The following SLC22A15 variants were observed in gnomAD, a reference collection of about 807,000 sequenced individuals.
The protein encoded by SLC22A15 is solute carrier family 22 member 15.
In SLC22A15, 45 loss-of-function variants were observed where a neutral mutation model predicts 62.7. The ratio of observed to expected loss-of-function variants is 0.72; its 90% CI spans 0.56 to 0.92. The LOEUF is 0.92. Ranked by LOEUF, SLC22A15 falls within the 40% of genes least tolerant of loss-of-function variation. SLC22A15 has a pLI of 0.00. For missense variants in SLC22A15, 622 were observed against 665.6 expected, an observed-to-expected ratio of 0.93 and a Z score of 0.72; for synonymous variants, 264 against 267.0, an observed-to-expected ratio of 0.99 and a Z score of 0.11.
At chr1:116,057,977 C>T (rs1156532361) in intron 8 of SLC22A15, among the ~76,000 whole-genome samples, 1 of 151,690 alleles carries the variant, frequency 6.6e-6, no homozygotes, top group Non-Finnish European at 1.5e-5. Flanking sequence ...TTAATGGGTG[C>T]AGCACACCAA....
Position 116,068,727 on chromosome 1 carries a change from C to G in SLC22A15, c.*1619C>G, listed in dbSNP as rs1363281193. 6.6e-6 allele frequency: 1 copy of G among 152,104 alleles called. No homozygotes were observed. Among genetic ancestry groups the G allele is most frequent in the Non-Finnish European group, 1.5e-5 (1 of 68,010 alleles). The allele number at this position is 152,104 out of a possible 1,614,324, so 9.4% of individuals were successfully genotyped here. On this transcript the variant is annotated 3_prime_UTR_variant, in exon 12 of 12. Coordinates refer to ENST00000369503, the MANE Select transcript of SLC22A15 (RefSeq NM_018420.3). The stretch of plus-strand genomic sequence containing the variant: ...CAGTATAATTTTTACAAACTCCAAG[C>G]AAATCTGACCCAAACTCCCAAATTG...
At chr1:116,059,174 A>G (rs546498126) in intron 8 of SLC22A15, among the ~76,000 whole-genome samples, 2 of 152,348 alleles carry the variant, frequency 1.3e-5, no homozygotes, top group South Asian at 4.1e-4. Flanking sequence ...GACAAAAATT[A>G]CAGAGACCGC....
At chr1:115,997,918 T>C (rs1002219472) in intron 2 of SLC22A15, among the ~76,000 whole-genome samples, 1 of 152,184 alleles carries the variant, frequency 6.6e-6, no homozygotes, top group Non-Finnish European at 1.5e-5. Context: ...TGATACTAGC[T>C]GTGAGTCTGT....
At chr1:115,982,008 C>T (rs1028797358) in intron 1 of SLC22A15, among the ~76,000 whole-genome samples, 1 of 152,170 alleles carries the variant, frequency 6.6e-6, no homozygotes, top group Admixed American at 6.5e-5. Context: ...GGCTGGATCA[C>T]GAAAGTTTAA....
intron 1 of SLC22A15, among the ~76,000 whole-genome samples, chr1:115,988,744 G>A (rs1655006803): frequency 6.6e-6 from 1 of 151,290 alleles, no homozygotes; most frequent in African/African-American, 2.4e-5. Context: ...TGTTGGTCAG[G>A]CTGGTCTTGA....
intron 1 of SLC22A15, among the ~76,000 whole-genome samples, chr1:115,984,848 A>G (rs1052513626): frequency 6.6e-6 from 1 of 152,168 alleles, no homozygotes. Flanking sequence ...AGTTCAAAAA[A>G]TTTTTAAAAA....
At chr1:115,989,465 T>C (rs1655042167) in intron 1 of SLC22A15, among the ~76,000 whole-genome samples, 1 of 152,152 alleles carries the variant, frequency 6.6e-6, no homozygotes, top group Non-Finnish European at 1.5e-5. Flanking sequence ...AGGTTGCTTA[T>C]CCTAGAACAA....
At chr1:116,000,182 T>C (rs1655650359) in intron 2 of SLC22A15, among the ~76,000 whole-genome samples, 1 of 152,206 alleles carries the variant, frequency 6.6e-6, no homozygotes, top group South Asian at 2.1e-4. Context: ...TTTCTCTTCC[T>C]TTTTTCTTTT....
intron 9 of SLC22A15, among the ~76,000 whole-genome samples, chr1:116,063,705 A>G (rs74782746): frequency 0.048 from 7,310 of 152,286 alleles, 278 homozygotes; most frequent in Admixed American, 0.11. Context: ...GCTACTGGCT[A>G]TAAAACTAGG....
intron 6 of SLC22A15, 183 bp downstream of exon 6, chr1:116,031,764 C>T: frequency 7.0e-7 from 1 of 1,427,792 alleles, no homozygotes. Context: ...CCCCGTCTTT[C>T]TCAAGTAGCA....
At chr1:116,004,331 G>C (rs1208348156) in intron 2 of SLC22A15, among the ~76,000 whole-genome samples, 9 of 152,166 alleles carry the variant, frequency 5.9e-5, no homozygotes, top group Admixed American at 4.6e-4. Flanking sequence ...CCTGTGGGGA[G>C]GATGACTGCT....
chr1:116,063,284 T>C (rs1658425298), intron 9 of SLC22A15, among the ~76,000 whole-genome samples: 1 of 152,242 alleles, frequency 6.6e-6, no homozygotes, highest in Non-Finnish European at 1.5e-5. Context: ...CACACATTTT[T>C]AGAAGATAAT....
chr1:116,031,356 T>C lies in SLC22A15; in HGVS notation c.729-10T>C. On this transcript the variant is annotated splice_polypyrimidine_tract_variant and intron_variant, in intron 5 of 11. Coordinates refer to ENST00000369503, the MANE Select transcript of SLC22A15 (RefSeq NM_018420.3). ...TATGAATATACAGGCTTTAATGACATCTCTTTCAGATTCATTCCTGAATCA... is the reference window on the plus strand; with the variant it reads ...TATGAATATACAGGCTTTAATGACACCTCTTTCAGATTCATTCCTGAATCA... 6.2e-7 allele frequency: 1 copy of C among 1,606,728 alleles called. No homozygotes were observed. The highest frequency in any genetic ancestry group is 8.5e-7 in the Non-Finnish European group (1 of 1,175,076).
chr1:116,050,594 C>T (rs1311835428), intron 8 of SLC22A15, among the ~76,000 whole-genome samples: 1 of 152,118 alleles, frequency 6.6e-6, no homozygotes, highest in Non-Finnish European at 1.5e-5. Flanking sequence ...GTAACAAAAG[C>T]CATCTATGAC....
At chr1:116,020,246 T>TA (rs554789441) in intron 3 of SLC22A15, among the ~76,000 whole-genome samples, 37,383 of 140,024 alleles carry the variant, frequency 0.27, 4,923 homozygotes, top group East Asian at 0.47. Context: ...GAGAAGCTGT[T>TA]AAAAAAAAAA....
intron 2 of SLC22A15, among the ~76,000 whole-genome samples, chr1:116,018,406 C>A (rs888625959): frequency 2.6e-5 from 4 of 151,870 alleles, no homozygotes; most frequent in African/African-American, 9.7e-5. Flanking sequence ...GCTCTGTCTC[C>A]CAGGCTGGAG....
At chr1:116,032,571 T>C (rs1245790672) in intron 6 of SLC22A15, 2 of 985,462 alleles carry the variant, frequency 2.0e-6, no homozygotes, top group Non-Finnish European at 1.2e-6. Context: ...TATCATATAC[T>C]CTTTTTCTAC....
chr1:116,002,098 G>A (rs903215879), intron 2 of SLC22A15, among the ~76,000 whole-genome samples: 3 of 152,210 alleles, frequency 2.0e-5, no homozygotes, highest in East Asian at 1.9e-4. Flanking sequence ...TTACAAACTC[G>A]TAGAGATACA....
intron 1 of SLC22A15, among the ~76,000 whole-genome samples, chr1:115,979,499 T>C (rs549290200): frequency 4.6e-5 from 7 of 152,356 alleles, no homozygotes; most frequent in Admixed American, 4.6e-4. Flanking sequence ...GGTTGACTTA[T>C]GAATAAACAA....
Sources: allele counts gnomAD v4.1 joint callset (sites outside exome capture counted in the v4.1 genomes callset), GRCh38; gene constraint gnomAD v4.1.1; transcripts MANE v1.5; gene names NCBI Gene and HGNC (gene_info 2026-07-23, HGNC 2026-07-21).